Variants in PRIMPOL observed in about 807,000 individuals in gnomAD.
PRIMPOL encodes the protein primase and DNA directed polymerase, also known as DNA-directed primase/polymerase protein.
A neutral mutation model predicts 63.6 loss-of-function variants in PRIMPOL; 54 were observed. The observed-to-expected ratio is 0.85, with a 90% CI of 0.68 to 1.07. The LOEUF (loss-of-function observed/expected upper bound fraction) is 1.07. PRIMPOL is among the 50% of genes least tolerant of loss of function. The pLI is 0.00. For synonymous variants in PRIMPOL, 197 were observed against 220.2 expected (o/e 0.89, Z 0.93); for missense variants, 610 against 648.3 (o/e 0.94, Z 0.64).
chr4:184,693,951 G>A (rs993373543), intron 13 of PRIMPOL, among the ~76,000 whole-genome samples: 5 of 152,168 alleles, frequency 3.3e-5, no homozygotes, highest in Non-Finnish European at 7.3e-5. Context: ...TTACAGGCAC[G>A]TGCCACTGCA....
At chr4:184,649,937 G>GA (rs1170426605) in intron 1 of PRIMPOL, 29 bp downstream of exon 1, 2 of 152,256 alleles carry the variant, frequency 1.3e-5, no homozygotes, top group Non-Finnish European at 2.9e-5. Context: ...GCGATGACCT[G>GA]AGGCCTTTCT....
intron 4 of PRIMPOL, among the ~76,000 whole-genome samples, chr4:184,661,524 T>C (rs1048559092): frequency 6.6e-6 from 1 of 151,980 alleles, no homozygotes; most frequent in Non-Finnish European, 1.5e-5. Context: ...CTGGCCAACA[T>C]GGCGTAAACC....
At chr4:184,692,724 A>G (rs770356988) in intron 13 of PRIMPOL, among the ~76,000 whole-genome samples, 1 of 152,134 alleles carries the variant, frequency 6.6e-6, no homozygotes, top group Non-Finnish European at 1.5e-5. Flanking sequence ...CATAAAAAGT[A>G]TAGGATATTA....
intron 2 of PRIMPOL, 23 bp from the exon 3 acceptor site, chr4:184,657,058 CT>C (rs1746653383): frequency 1.9e-6 from 2 of 1,027,056 alleles, no homozygotes; most frequent in Admixed American, 3.2e-5. Flanking sequence ...AATTAATGGC[CT>C]TTTTGTTTGT....
At chr4:184,689,575 C>CT (rs1397276109) in intron 11 of PRIMPOL, among the ~76,000 whole-genome samples, 1 of 151,450 alleles carries the variant, frequency 6.6e-6, no homozygotes, top group Admixed American at 6.6e-5. Context: ...GCCTCAGCCC[C>CT]CCGAGTAGCT....
At position 184,678,385 on chromosome 4, in the gene PRIMPOL, G is replaced by C. The variant is rs758211049; in HGVS notation, c.998G>C (p.Ser333Thr). ...EYQYFLSSLVSNVRFSDTLRI... is the reference protein window; with the variant it reads ...EYQYFLSSLVTNVRFSDTLRI... ...CAATATTTTCTCTCTTCTTTGGTCA[G>C]CAATGTCAGGTATGTAGTAGCAGCA... is the stretch of plus-strand genomic sequence containing the variant. The change falls in exon 8 of 14, where the codon AGC (serine) becomes ACC (threonine). Residue 333 changes from serine (S) to threonine (T), a missense_variant. By Grantham distance (58) the Ser-to-Thr change is moderately conservative. Around this residue, in one of 3 missense-constraint regions of PRIMPOL, gnomAD observed 444 missense variants for 456.4 expected, o/e 0.97. Transcript: ENST00000314970. 4.4e-6 allele frequency: 7 copies of C among 1,601,638 alleles called. No homozygotes were observed. Among genetic ancestry groups the C allele is most frequent in the Non-Finnish European group, 6.0e-6 (7 of 1,175,714 alleles).
At chr4:184,658,044 A>C (rs1480304797) in intron 3 of PRIMPOL, among the ~76,000 whole-genome samples, 10 of 148,630 alleles carry the variant, frequency 6.7e-5, no homozygotes, top group African/African-American at 2.2e-4. Context: ...ATATCACTAA[A>C]TCAAGCAACA....
chr4:184,683,196 T>C (rs112471206), intron 9 of PRIMPOL, among the ~76,000 whole-genome samples: 19,882 of 152,248 alleles, frequency 0.13, 1,378 homozygotes, highest in Middle Eastern at 0.18. Flanking sequence ...TTTGGGAGGC[T>C]GAGTCGGGCA....
intron 8 of PRIMPOL, among the ~76,000 whole-genome samples, chr4:184,679,711 C>T (rs959352240): frequency 7.2e-5 from 11 of 152,164 alleles, no homozygotes; most frequent in Non-Finnish European, 1.5e-4. Context: ...GCAATACCAC[C>T]TTCCCACCTC....
chr4:184,661,884 TG>T lies in PRIMPOL; in HGVS notation c.391del (p.Val131LeufsTer26), dbSNP rs558986236. On this transcript the variant is annotated frameshift_variant, in exon 5 of 14. Coordinates refer to ENST00000314970, the MANE Select transcript of PRIMPOL (RefSeq NM_152683.4). LOFTEE classifies it high-confidence loss of function. The stretch of plus-strand genomic sequence containing the variant: ...AACCCAGGAGCTGATGGGAAAAAGA[TG>T]GTTGCATTACTCATTGAGGTAAATG... ...PANPGADGKK[M>X]VALLIEYVCK... 2 of 1,613,442 alleles carry T rather than the reference TG, an allele frequency of 1.2e-6. No individual in the cohort carries two copies. The highest frequency in any genetic ancestry group is 8.5e-7 in the Non-Finnish European group (1 of 1,179,462).
intron 3 of PRIMPOL, 40 bp downstream of exon 3, chr4:184,657,360 A>T (rs1312585035): frequency 9.9e-6 from 14 of 1,410,854 alleles, no homozygotes; most frequent in East Asian, 2.4e-5. Flanking sequence ...CTCCTCTTCC[A>T]CTTCCTCTTC....
intron 6 of PRIMPOL, among the ~76,000 whole-genome samples, chr4:184,668,463 C>T (rs868645202): frequency 1.8e-4 from 27 of 152,246 alleles, no homozygotes; most frequent in African/African-American, 5.3e-4. Flanking sequence ...GCTTGCAAAG[C>T]GAGGCCCGCT....
At chr4:184,679,524 A>G (rs939860926) in intron 8 of PRIMPOL, among the ~76,000 whole-genome samples, 5 of 152,216 alleles carry the variant, frequency 3.3e-5, no homozygotes. Context: ...GAAATACTAT[A>G]GTAAGTCTTC....
chr4:184,689,522 G>A (rs893100697), intron 11 of PRIMPOL, among the ~76,000 whole-genome samples: 2 of 133,480 alleles, frequency 1.5e-5, no homozygotes, highest in Non-Finnish European at 3.0e-5. Context: ...GTGCAATCTC[G>A]GCTCACTGCA....
chr4:184,683,438 GTAT>G (rs149300457), intron 9 of PRIMPOL, among the ~76,000 whole-genome samples: 4,266 of 149,944 alleles, frequency 0.028, 204 homozygotes, highest in African/African-American at 0.099. Context: ...AAAAAAAAAA[GTAT>G]TATTCACTAA....
intron 2 of PRIMPOL, among the ~76,000 whole-genome samples, chr4:184,655,678 A>G (rs1230438191): frequency 5.9e-5 from 9 of 152,264 alleles, no homozygotes; most frequent in Admixed American, 2.6e-4. Context: ...CTCATTTGCC[A>G]ATGAGTTTGT....
At position 184,657,192 on chromosome 4, in the gene PRIMPOL, C is replaced by T; in HGVS notation, c.52C>T (p.His18Tyr). ...GAAGCAAATTGAAGAACGAGCATCT[C>T]ATTATGAGAGGAAACCGTTGTCCTC... ...KLKQIEERAS[H>Y]YERKPLSSVY... Residue 18 changes from histidine to tyrosine, a missense_variant, in exon 3 of 14, where the codon CAT (histidine) becomes TAT (tyrosine). This residue lies in a region of PRIMPOL where 159 missense variants were observed against 168.9 expected (regional missense o/e 0.94). Transcript: ENST00000314970. 6.2e-7 allele frequency: 1 copy of T among 1,612,736 alleles called. No individual in the cohort carries two copies. Among genetic ancestry groups the T allele is most frequent in the South Asian group, 1.1e-5 (1 of 90,756 alleles).
intron 6 of PRIMPOL, among the ~76,000 whole-genome samples, chr4:184,666,412 A>G (rs1749894688): frequency 6.6e-6 from 1 of 152,236 alleles, no homozygotes; most frequent in Non-Finnish European, 1.5e-5. Context: ...GCAGTAAGCC[A>G]GGATCACACC....
intron 6 of PRIMPOL, among the ~76,000 whole-genome samples, chr4:184,669,403 C>G (rs910281270): frequency 6.6e-6 from 1 of 152,208 alleles, no homozygotes; most frequent in African/African-American, 2.4e-5. Context: ...CCAGTGGTAT[C>G]TGAATAAATC....
Sources: gnomAD v4.1 joint callset for allele counts (sites outside exome capture counted in the v4.1 genomes callset) on GRCh38, gnomAD v4.1.1 for gene constraint, gnomAD v4.1.1 regional missense constraint, MANE v1.5 for transcripts, NCBI Gene and HGNC (gene_info 2026-07-23, HGNC 2026-07-21) for gene names.